The following NEGR1 variants were observed in gnomAD, a reference collection of about 807,000 sequenced individuals.
NEGR1 encodes the protein IgLON family member 4.
Under a neutral mutation model 40.9 loss-of-function variants are expected in NEGR1, and 10 were observed. The ratio of observed to expected loss-of-function variants is 0.24; its 90% CI spans 0.15 to 0.42. NEGR1 has a LOEUF of 0.42. Among genes scored for constraint, NEGR1 ranks in the 10% least tolerant of loss-of-function variants. NEGR1 has a pLI of 1.00. For synonymous variants in NEGR1, 185 were observed against 166.8 expected, an observed-to-expected ratio of 1.11 and a Z score of -0.84; for missense variants, 352 against 438.9, an observed-to-expected ratio of 0.80 and a Z score of 1.77.
intron 3 of NEGR1, among the ~76,000 whole-genome samples, chr1:71,767,176 G>A (rs1291081853): frequency 2.0e-5 from 3 of 152,132 alleles, no homozygotes. Context: ...GGAAGAGGTT[G>A]GAAGAGTTTG....
intron 1 of NEGR1, among the ~76,000 whole-genome samples, chr1:71,968,807 A>G (rs991995799): frequency 1.3e-5 from 2 of 151,064 alleles, no homozygotes; most frequent in Non-Finnish European, 3.0e-5. Context: ...TGATTTTTTT[A>G]GATAAATTGA....
intron 6 of NEGR1, chr1:71,408,004 A>G (rs2101257794): frequency 6.5e-6 from 1 of 153,000 alleles, no homozygotes; most frequent in South Asian, 2.1e-4. Flanking sequence ...TGCTAGGAAA[A>G]CAAGAATATT....
intron 4 of NEGR1, 139 bp from the exon 5 acceptor site, chr1:71,611,285 T>C: frequency 5.5e-6 from 4 of 722,916 alleles, no homozygotes; most frequent in Non-Finnish European, 9.0e-6. Context: ...ACATTTTCAG[T>C]GTTTTATGCT....
At chr1:71,801,309 G>A (rs1376208174) in intron 2 of NEGR1, among the ~76,000 whole-genome samples, 1 of 152,030 alleles carries the variant, frequency 6.6e-6, no homozygotes, top group Non-Finnish European at 1.5e-5. Flanking sequence ...CTACATTACT[G>A]CTTTAGTGAG....
At chr1:71,553,119 G>T (rs1223111246) in intron 6 of NEGR1, among the ~76,000 whole-genome samples, 1 of 151,300 alleles carries the variant, frequency 6.6e-6, no homozygotes, top group Non-Finnish European at 1.5e-5. Context: ...ATTCTGCTGA[G>T]TATATACTTT....
intron 5 of NEGR1, among the ~76,000 whole-genome samples, chr1:71,607,268 A>C (rs1394081260): frequency 2.0e-5 from 3 of 152,216 alleles, no homozygotes; most frequent in African/African-American, 7.2e-5. Flanking sequence ...TCCTTGACTA[A>C]ATAAATTGGG....
chr1:72,104,192 T>C (rs1461173269), intron 1 of NEGR1, among the ~76,000 whole-genome samples: 2 of 152,082 alleles, frequency 1.3e-5, no homozygotes, highest in African/African-American at 4.8e-5. Flanking sequence ...TATGTCCTAA[T>C]CCCTAGAACT....
At chr1:71,745,819 T>C (rs768524525) in intron 3 of NEGR1, among the ~76,000 whole-genome samples, 5 of 152,204 alleles carry the variant, frequency 3.3e-5, no homozygotes, top group Middle Eastern at 3.4e-3. Flanking sequence ...TCATAACCTG[T>C]TTTTCCCAAA....
chr1:72,099,789 A>T (rs941272462), intron 1 of NEGR1, among the ~76,000 whole-genome samples: 1 of 151,850 alleles, frequency 6.6e-6, no homozygotes, highest in African/African-American at 2.4e-5. Flanking sequence ...TAAATTTATT[A>T]TTTTCATCTG....
At chr1:72,274,981 ATAGT>A (rs1480149162) in intron 1 of NEGR1, 1 of 1,533,408 alleles carries the variant, frequency 6.5e-7, no homozygotes, top group South Asian at 1.1e-5. Flanking sequence ...GTACATTGCC[ATAGT>A]TAGTACGACT....
intron 1 of NEGR1, among the ~76,000 whole-genome samples, chr1:72,220,266 C>T (rs1486460938): frequency 6.6e-6 from 1 of 152,000 alleles, no homozygotes; most frequent in Non-Finnish European, 1.5e-5. Flanking sequence ...CTCTCTCTCT[C>T]TCTCCCCCTT....
At chr1:72,181,283 G>T (rs565958414) in intron 1 of NEGR1, among the ~76,000 whole-genome samples, 1 of 152,136 alleles carries the variant, frequency 6.6e-6, no homozygotes, top group African/African-American at 2.4e-5. Flanking sequence ...ACAAGATAAG[G>T]TTGGGCAGAA....
At chr1:72,135,422 C>CAA (rs71074820) in intron 1 of NEGR1, among the ~76,000 whole-genome samples, 11 of 102,252 alleles carry the variant, frequency 1.1e-4, no homozygotes, top group African/African-American at 1.8e-4. Flanking sequence ...AAAACAAAAC[C>CAA]AAAAAAAAAA....
At chr1:71,740,811 C>T (rs1367698307) in intron 3 of NEGR1, among the ~76,000 whole-genome samples, 2 of 152,008 alleles carry the variant, frequency 1.3e-5, no homozygotes, top group Non-Finnish European at 2.9e-5. Context: ...CTAGTACTTG[C>T]ATTGCCTTCA....
chr1:72,169,640 A>G (rs1003663200), intron 1 of NEGR1, among the ~76,000 whole-genome samples: 5 of 152,140 alleles, frequency 3.3e-5, no homozygotes, highest in African/African-American at 1.2e-4. Flanking sequence ...TCTTTATGCA[A>G]ATAGTGCTTT....
At chr1:72,014,721 T>C (rs1464910318) in intron 1 of NEGR1, among the ~76,000 whole-genome samples, 1 of 152,072 alleles carries the variant, frequency 6.6e-6, no homozygotes, top group Non-Finnish European at 1.5e-5. Flanking sequence ...TATTAACATA[T>C]ATTATCATTA....
intron 1 of NEGR1, among the ~76,000 whole-genome samples, chr1:72,024,639 T>G (rs751300906): frequency 6.6e-6 from 1 of 152,204 alleles, no homozygotes; most frequent in Non-Finnish European, 1.5e-5. Context: ...ATGATTTTCC[T>G]CAGGTTGTTA....
intron 1 of NEGR1, among the ~76,000 whole-genome samples, chr1:72,147,683 T>C (rs1650962074): frequency 6.6e-6 from 1 of 152,138 alleles, no homozygotes; most frequent in African/African-American, 2.4e-5. Flanking sequence ...CCCTTCCTCC[T>C]GAGCCTGTAA....
intron 6 of NEGR1, among the ~76,000 whole-genome samples, chr1:71,451,982 G>T (rs138382751): frequency 0.014 from 2,111 of 152,182 alleles, 39 homozygotes; most frequent in South Asian, 0.086. Context: ...CACCAGTAGG[G>T]ATTCAAAATT....
Sources: gnomAD v4.1 joint callset for allele counts (sites outside exome capture counted in the v4.1 genomes callset) on GRCh38, gnomAD v4.1.1 for gene constraint, MANE v1.5 for transcripts, NCBI Gene and HGNC (gene_info 2026-07-23, HGNC 2026-07-21) for gene names.